The following IRAG1 variants were observed in gnomAD, a reference collection of about 807,000 sequenced individuals.
IRAG1 encodes the protein inositol 1,4,5-triphosphate receptor associated 1.
IRAG1 carries 62 observed loss-of-function variants against 106.2 expected under a neutral mutation model. The observed-to-expected ratio is 0.58, with a 90% confidence interval of 0.48 to 0.72. IRAG1 has a LOEUF of 0.72. IRAG1 is among the 30% of genes least tolerant of loss of function. The pLI, the probability that IRAG1 is intolerant of heterozygous loss-of-function variation, is 0.00. For synonymous variants in IRAG1, 462 were observed against 443.9 expected, an observed-to-expected ratio of 1.04 and a Z score of -0.51; for missense variants, 1,064 against 1,140.7, an observed-to-expected ratio of 0.93 and a Z score of 0.97.
intron 1 of IRAG1, among the ~76,000 whole-genome samples, chr11:10,681,276 T>TG (rs1861235625): frequency 1.3e-5 from 2 of 152,222 alleles, no homozygotes; most frequent in Non-Finnish European, 2.9e-5. Flanking sequence ...AGCGGCTGCC[T>TG]GGACCATCAT....
intron 15 of IRAG1, among the ~76,000 whole-genome samples, chr11:10,597,906 G>A (rs982555319): frequency 2.0e-5 from 3 of 152,190 alleles, no homozygotes; most frequent in African/African-American, 7.2e-5. Flanking sequence ...ACATATCTTA[G>A]AAGCACCATC....
intron 18 of IRAG1, among the ~76,000 whole-genome samples, chr11:10,588,205 T>C (rs1852241355): frequency 6.6e-6 from 1 of 152,258 alleles, no homozygotes; most frequent in Non-Finnish European, 1.5e-5. Context: ...TTGTCATCGT[T>C]ATCATTATCA....
At chr11:10,641,949 G>C (rs1051068940) in intron 2 of IRAG1, among the ~76,000 whole-genome samples, 1 of 152,068 alleles carries the variant, frequency 6.6e-6, no homozygotes, top group East Asian at 1.9e-4. Flanking sequence ...CCAGTTTTTG[G>C]TCTCACCTCC....
At chr11:10,581,644 A>G (rs1404001834) in intron 19 of IRAG1, among the ~76,000 whole-genome samples, 1 of 151,850 alleles carries the variant, frequency 6.6e-6, no homozygotes, top group Non-Finnish European at 1.5e-5. Flanking sequence ...CTGCCTAAAA[A>G]GAGGGCAGTC....
At chr11:10,588,468 G>T (rs994141354) in intron 18 of IRAG1, among the ~76,000 whole-genome samples, 1 of 152,134 alleles carries the variant, frequency 6.6e-6, no homozygotes, top group Non-Finnish European at 1.5e-5. Flanking sequence ...TCCCACCTCA[G>T]CCTCCTGAGT....
chr11:10,604,844 G>T (rs758429563), intron 12 of IRAG1, among the ~76,000 whole-genome samples: 1 of 152,212 alleles, frequency 6.6e-6, no homozygotes, highest in South Asian at 2.1e-4. Flanking sequence ...ATAACATCCT[G>T]TATCTGGGTT....
chr11:10,628,227 G>A lies in IRAG1; in HGVS notation c.653-202C>T. ...ACCACAGGAGGAAACTGAGGCACAG[G>A]GAAATCAAAGTCTCATGGCCAGGAA... On this transcript the variant is annotated intron_variant, in intron 6 of 20. Transcript: ENST00000423302. The surrounding 1 kb of genome is among the most constrained non-coding windows in gnomAD (Gnocchi z 4.1). 1.4e-6 allele frequency: 1 copy of A among 690,868 alleles called. No homozygotes were observed. The highest frequency in any genetic ancestry group is 2.6e-6 in the Non-Finnish European group (1 of 380,606). The allele number at this position is 690,868 out of a possible 1,614,324, so 42.8% of individuals were successfully genotyped here. A position where few individuals can be genotyped will look rare whatever the true frequency, so the allele number is the denominator to read the frequency against.
chr11:10,604,376 G>A (rs765961728), intron 13 of IRAG1, 29 bp downstream of exon 13: 1 of 1,613,496 alleles, frequency 6.2e-7, no homozygotes, highest in Non-Finnish European at 8.5e-7. Context: ...TCTGCTCCAG[G>A]GATTCCTCAC....
chr11:10,614,278 G>T (rs975822788), intron 10 of IRAG1, among the ~76,000 whole-genome samples: 2 of 152,094 alleles, frequency 1.3e-5, no homozygotes, highest in South Asian at 2.1e-4. Flanking sequence ...AGAATCATTT[G>T]TGGGTCTCTG....
At chr11:10,640,262 G>A (rs1416263957) in intron 2 of IRAG1, among the ~76,000 whole-genome samples, 1 of 152,176 alleles carries the variant, frequency 6.6e-6, no homozygotes, top group East Asian at 1.9e-4. Context: ...ATACAAAAAG[G>A]CAGAAACAAG....
chr11:10,633,081 T>TC (rs1424506939), intron 3 of IRAG1, among the ~76,000 whole-genome samples: 1 of 149,218 alleles, frequency 6.7e-6, no homozygotes, highest in Non-Finnish European at 1.5e-5. Flanking sequence ...CTTTCTTTTT[T>TC]TTTTTTTTTT....
At chr11:10,679,253 T>A (rs1378026971) in intron 1 of IRAG1, among the ~76,000 whole-genome samples, 1 of 152,214 alleles carries the variant, frequency 6.6e-6, no homozygotes, top group Non-Finnish European at 1.5e-5. Context: ...TTCAGTGGCA[T>A]TAGGTACATT....
At chr11:10,632,330 C>G (rs1327387653) in intron 3 of IRAG1, among the ~76,000 whole-genome samples, 5 of 151,966 alleles carry the variant, frequency 3.3e-5, no homozygotes. Context: ...AGACTACAGG[C>G]ATGTGCCACC....
Position 10,626,534 on chromosome 11 carries a change from A to G in IRAG1, c.800T>C (p.Val267Ala), listed in dbSNP as rs755486682. The change falls in exon 9 of 21, where the codon GTG (valine) becomes GCG (alanine). Residue 267 changes from valine to alanine, a missense_variant. Coordinates refer to ENST00000423302, the MANE Select transcript of IRAG1 (RefSeq NM_130385.4). ...ACGAGGAGCCAGCCTGCCCTGAGAC[A>G]CTTTCCTCTGGTCATTCTGCTTCCT... ...ADRKQNDQRK[V>A]SQGRLAPRPP... is the part of the protein sequence containing the mutation. 79 of 1,613,000 alleles carry G rather than the reference A, an allele frequency of 4.9e-5. No individual in the cohort carries two copies. Among genetic ancestry groups the G allele is most frequent in the Non-Finnish European group, 6.3e-5 (74 of 1,179,440 alleles).
intron 1 of IRAG1, among the ~76,000 whole-genome samples, chr11:10,669,029 A>G (rs1409303658): frequency 1.3e-5 from 2 of 152,204 alleles, no homozygotes; most frequent in Non-Finnish European, 2.9e-5. Context: ...GAAGTCCTTC[A>G]AAGGTTAGTA....
intron 18 of IRAG1, among the ~76,000 whole-genome samples, chr11:10,584,980 A>G (rs1193244037): frequency 6.6e-6 from 1 of 152,222 alleles, no homozygotes; most frequent in East Asian, 1.9e-4. Context: ...GCAATTATTT[A>G]TATCATCAAG....
At chr11:10,646,772 C>T (rs143345606) in intron 2 of IRAG1, among the ~76,000 whole-genome samples, 97 of 152,234 alleles carry the variant, frequency 6.4e-4, no homozygotes, top group African/African-American at 2.2e-3. Flanking sequence ...AGTGGATGCT[C>T]GGAGAGACCC....
rs1858992226 is a variant in IRAG1 at position 10,657,218 on chromosome 11, T to C, written c.68-5036A>G. ...TGGGGAGAGTAAGTACTATTATTAT[T>C]AACATTAAAGTTAGACCCATGTTAC... On this transcript the variant is annotated intron_variant, in intron 1 of 20. Coordinates refer to ENST00000423302, the MANE Select transcript of IRAG1 (RefSeq NM_130385.4). The surrounding 1 kb of genome is among the most constrained non-coding windows in gnomAD (Gnocchi z 4.1). 6.6e-6 allele frequency among the ~76,000 whole-genome samples: 1 copy of C among 152,140 alleles called. No individual in the cohort carries two copies. The highest frequency in any genetic ancestry group is 1.5e-5 in the Non-Finnish European group (1 of 68,018).
chr11:10,685,736 A>AC (rs1445412690), intron 1 of IRAG1, among the ~76,000 whole-genome samples: 1 of 151,548 alleles, frequency 6.6e-6, no homozygotes, highest in Non-Finnish European at 1.5e-5. Flanking sequence ...GAAAAAAAAA[A>AC]AAAAAAATTG....
Sources: gnomAD v4.1 joint callset for allele counts (sites outside exome capture counted in the v4.1 genomes callset) on GRCh38, gnomAD v4.1.1 for gene constraint, Gnocchi (gnomAD v3.1) non-coding constraint, MANE v1.5 for transcripts, NCBI Gene and HGNC (gene_info 2026-07-23, HGNC 2026-07-21) for gene names.